Variants in IL19 observed in about 807,000 individuals in gnomAD.
IL19 encodes interleukin-19.
A neutral mutation model predicts 19.5 loss-of-function variants in IL19; 15 were observed. The observed-to-expected ratio is 0.77, with a 90% CI of 0.52 to 1.19. The LOEUF is 1.19. IL19 is among the 50% of genes most tolerant of loss of function. IL19 has a pLI of 0.00. For missense variants in IL19, 199 were observed against 213.1 expected (o/e 0.93, Z 0.41); for synonymous variants, 78 against 78.3 (o/e 1.00, Z 0.02).
chr1:206,806,278 G>A (rs1675843070), intron 2 of IL19, among the ~76,000 whole-genome samples: 1 of 152,102 alleles, frequency 6.6e-6, no homozygotes, highest in Non-Finnish European at 1.5e-5. Flanking sequence ...TTTCCCAGAG[G>A]AAAATGGGGT....
At chr1:206,825,706 C>T (rs1162038200) in intron 2 of IL19, among the ~76,000 whole-genome samples, 2 of 152,228 alleles carry the variant, frequency 1.3e-5, no homozygotes, top group East Asian at 3.8e-4. Flanking sequence ...TCCTCCCCAC[C>T]AGGAACCCAG....
At chr1:206,789,928 G>T (rs999001964) in intron 1 of IL19, among the ~76,000 whole-genome samples, 1 of 152,126 alleles carries the variant, frequency 6.6e-6, no homozygotes, top group African/African-American at 2.4e-5. Flanking sequence ...TCACTAATTT[G>T]TTGGTGGACA....
At chr1:206,781,872 T>TC (rs2102448591) in intron 1 of IL19, among the ~76,000 whole-genome samples, 2 of 138,600 alleles carry the variant, frequency 1.4e-5, no homozygotes, top group Non-Finnish European at 3.1e-5. Flanking sequence ...TATATAGTTA[T>TC]ATATACATAT....
intron 4 of IL19, among the ~76,000 whole-genome samples, 198 bp downstream of exon 4, chr1:206,837,221 G>A (rs1676827010): frequency 6.6e-6 from 1 of 152,152 alleles, no homozygotes; most frequent in East Asian, 1.9e-4. Context: ...AGGAATTAAA[G>A]AAGTGCTGCT....
Position 206,790,767 on chromosome 1 carries a change from G to A in IL19, c.-148-8094G>A, listed in dbSNP as rs78469257. ...CCCCACTGCCCAGGACCAGATTAGC[G>A]GAGGCAGAAGCAGTTAGAGGTGCTG... On this transcript the variant is annotated intron_variant, in intron 1 of 6. Coordinates refer to ENST00000659997, the MANE Select transcript of IL19 (RefSeq NM_153758.5). Among the ~76,000 whole-genome samples the A allele has an allele frequency of 3.5e-3, 535 of 152,256 alleles. 2 individuals carry two copies. Among genetic ancestry groups the A allele is most frequent in the African/African-American group, 0.012 (515 of 41,552 alleles).
chr1:206,778,922 A>G (rs918497857), intron 1 of IL19, among the ~76,000 whole-genome samples: 4 of 152,182 alleles, frequency 2.6e-5, no homozygotes, highest in Non-Finnish European at 5.9e-5. Flanking sequence ...ATCACCAGCA[A>G]TGACTGTCTG....
chr1:206,776,475 A>C (rs1366633895), intron 1 of IL19, among the ~76,000 whole-genome samples: 1 of 151,550 alleles, frequency 6.6e-6, no homozygotes, highest in African/African-American at 2.4e-5. Flanking sequence ...TAGATTTTGG[A>C]GGGTGCATTC....
In IL19 at chr1:206,798,985, C is replaced by T. The variant is rs1300781103; in HGVS notation, c.-24C>T. On this transcript the variant is annotated 5_prime_UTR_variant, in exon 2 of 7. Coordinates refer to ENST00000659997, the MANE Select transcript of IL19 (RefSeq NM_153758.5). ...ACATATCCATGTGTGTGTGCCAGTG[C>T]TTTGGGGCTCTGTTCCACGGGGTAA... is the stretch of plus-strand genomic sequence containing the variant. The T allele has an allele frequency of 6.2e-7, 1 of 1,612,782 alleles. No individual in the cohort carries two copies. The highest frequency in any genetic ancestry group is 8.5e-7 in the Non-Finnish European group (1 of 1,178,972).
At chr1:206,823,354 C>T (rs183845728) in intron 2 of IL19, among the ~76,000 whole-genome samples, 169 of 151,990 alleles carry the variant, frequency 1.1e-3, no homozygotes, top group African/African-American at 3.8e-3. Context: ...GAGATTGAGA[C>T]CATCCTGGCA....
intron 2 of IL19, among the ~76,000 whole-genome samples, chr1:206,832,956 C>T (rs964602914): frequency 6.6e-6 from 1 of 152,238 alleles, no homozygotes; most frequent in Non-Finnish European, 1.5e-5. Flanking sequence ...CCCTGTGGCC[C>T]TCTCTGTCTC....
In IL19 at chr1:206,839,968, C is replaced by T. The variant is rs1572577437; in HGVS notation, c.329C>T (p.Ser110Phe). 1 of 1,614,216 alleles carries T rather than the reference C, an allele frequency of 6.2e-7. No homozygotes were observed. Among genetic ancestry groups the T allele is most frequent in the East Asian group, 2.2e-5 (1 of 44,882 alleles). ...ILRKISSIAN[S>F]FLYMQKTLRQ... Reference sequence around the variant, plus strand: ...AGAAAAATCAGCAGCATTGCCAACTCTTTCCTCTACATGCAGAAAACTCTG... The same window carrying T: ...AGAAAAATCAGCAGCATTGCCAACTTTTTCCTCTACATGCAGAAAACTCTG... The change falls in exon 5 of 7, where the codon TCT (serine) becomes TTT (phenylalanine). Residue 110 changes from serine to phenylalanine, a missense_variant. By Grantham distance (155) the Ser-to-Phe change is radical. Coordinates refer to ENST00000659997, the MANE Select transcript of IL19 (RefSeq NM_153758.5).
rs1258742923 is a variant in IL19 at position 206,806,299 on chromosome 1, A to G, written c.-3+7293A>G. Among the ~76,000 whole-genome samples, 3 of 151,446 alleles carry G rather than the reference A, an allele frequency of 2.0e-5. No homozygotes were observed. The East Asian group carries it at 5.9e-4, about 30-fold the overall frequency. ...AGAGGAAAATGGGGTTGCTACTTTC[A>G]GAAGAAAGGGGGATGAATGCTAGGT... On this transcript the variant is annotated intron_variant, in intron 2 of 6. Coordinates refer to ENST00000659997, the MANE Select transcript of IL19 (RefSeq NM_153758.5).
chr1:206,771,296 A>G lies in IL19; in HGVS notation c.-149+218A>G, dbSNP rs1674829646. ...ACCCAATTCCCTGCAATCAGGAAGC[A>G]GAGTCTCCCTTCCCTTAATCATGCT... On this transcript the variant is annotated intron_variant, in intron 1 of 6. Transcript: ENST00000659997. 2.1e-6 allele frequency: 3 copies of G among 1,453,098 alleles called. No homozygotes were observed. In the African/African-American group the frequency reaches 4.2e-5, roughly 20 times the overall value. 90.0% of individuals were successfully genotyped at this position (1,453,098 alleles called of 1,614,324 possible).
chr1:206,804,062 A>G (rs1168290054), intron 2 of IL19, among the ~76,000 whole-genome samples: 1 of 152,212 alleles, frequency 6.6e-6, no homozygotes, highest in Non-Finnish European at 1.5e-5. Flanking sequence ...TCTCTGTAAC[A>G]GGCAGGAGGC....
At chr1:206,806,073 G>A (rs1465154222) in intron 2 of IL19, among the ~76,000 whole-genome samples, 1 of 152,082 alleles carries the variant, frequency 6.6e-6, no homozygotes, top group East Asian at 1.9e-4. Flanking sequence ...TCTAATACAT[G>A]TACCATTAAC....
Position 206,793,763 on chromosome 1 carries a change from G to A in IL19, c.-148-5098G>A, listed in dbSNP as rs534091994. On this transcript the variant is annotated intron_variant, in intron 1 of 6. Transcript: ENST00000659997. ...GCTTTCTGAACCTCTAACGCCACTC[G>A]ATTAGTCACAGTCATAGTTCGAGTG... Among the ~76,000 whole-genome samples the A allele has an allele frequency of 5.3e-5, 8 of 152,354 alleles. No homozygotes were observed. In the South Asian group the frequency reaches 6.2e-4, roughly 12 times the overall value.
chr1:206,827,884 G>A (rs1451553899), intron 2 of IL19, among the ~76,000 whole-genome samples: 1 of 152,202 alleles, frequency 6.6e-6, no homozygotes, highest in Non-Finnish European at 1.5e-5. Context: ...TTTGGGTGAA[G>A]TACTTGGTAG....
chr1:206,829,764 C>T (rs550506676), intron 2 of IL19, among the ~76,000 whole-genome samples: 77 of 152,252 alleles, frequency 5.1e-4, no homozygotes, highest in Admixed American at 7.2e-4. Context: ...TCCCTCCATC[C>T]CATCACCACT....
chr1:206,807,284 C>T (rs564500165), intron 2 of IL19, among the ~76,000 whole-genome samples: 69 of 152,308 alleles, frequency 4.5e-4, no homozygotes, highest in African/African-American at 1.6e-3. Flanking sequence ...TACAGCCAAA[C>T]CATATCCTAT....
Sources: gnomAD v4.1 joint callset for allele counts (sites outside exome capture counted in the v4.1 genomes callset) on GRCh38, gnomAD v4.1.1 for gene constraint, MANE v1.5 for transcripts, NCBI Gene and HGNC (gene_info 2026-07-23, HGNC 2026-07-21) for gene names.